AK9: variants seen among roughly 807,000 people sequenced by gnomAD.
AK9 encodes adenylate kinase 9.
AK9 carries 191 observed loss-of-function variants against 239.6 expected under a neutral mutation model. That is an observed-to-expected ratio of 0.80 (90% confidence interval 0.71 to 0.90). The LOEUF (loss-of-function observed/expected upper bound fraction) is 0.90. Ranked by LOEUF, AK9 falls within the 40% of genes least tolerant of loss-of-function variation. The pLI, the probability that AK9 is intolerant of heterozygous loss-of-function variation, is 0.00. For synonymous variants in AK9, 689 were observed against 721.0 expected, an observed-to-expected ratio of 0.96 and a Z score of 0.71; for missense variants, 1,995 against 2,214.7, an observed-to-expected ratio of 0.90 and a Z score of 1.99.
chr6:109,552,111 T>C (rs1562395883), intron 24 of AK9, among the ~76,000 whole-genome samples: 3 of 152,182 alleles, frequency 2.0e-5, no homozygotes, highest in Non-Finnish European at 4.4e-5. Flanking sequence ...ATTTTCTTTA[T>C]CCAGTCTATC....
chr6:109,616,023 G>T (rs1794146738), intron 13 of AK9, among the ~76,000 whole-genome samples: 1 of 151,978 alleles, frequency 6.6e-6, no homozygotes, highest in Non-Finnish European at 1.5e-5. Context: ...ATCACTTGAG[G>T]CCAGGAGTTA....
chr6:109,594,963 A>T (rs1241657859), intron 17 of AK9, among the ~76,000 whole-genome samples: 7 of 152,172 alleles, frequency 4.6e-5, no homozygotes, highest in Non-Finnish European at 8.8e-5. Context: ...AGACTTCATG[A>T]CTAAAACACC....
chr6:109,662,926 T>C lies in AK9; in HGVS notation c.332-263A>G, dbSNP rs1800624018. 2.0e-5 allele frequency among the ~76,000 whole-genome samples: 3 copies of C among 152,162 alleles called. No individual in the cohort carries two copies. The South Asian group carries it at 6.2e-4, about 32-fold the overall frequency. ...TCCAAGTCAATTTATTTTAGACAGA[T>C]GAGGTGCCTAGGGAAGGAAATTTCA... On this transcript the variant is annotated intron_variant, in intron 5 of 40. Transcript: ENST00000424296.
intron 1 of AK9, among the ~76,000 whole-genome samples, chr6:109,681,394 AACTAT>A: frequency 6.6e-6 from 1 of 152,352 alleles, no homozygotes; most frequent in East Asian, 1.9e-4. Flanking sequence ...AAGAAGAGCT[AACTAT>A]ACTAAATATA....
chr6:109,611,282 A>T (rs1414012540), intron 16 of AK9, among the ~76,000 whole-genome samples: 1 of 152,132 alleles, frequency 6.6e-6, no homozygotes, highest in Non-Finnish European at 1.5e-5. Context: ...CAGGGATCAA[A>T]AGACTCACAG....
chr6:109,510,483 C>T (rs936758106), intron 32 of AK9, among the ~76,000 whole-genome samples: 1 of 151,946 alleles, frequency 6.6e-6, no homozygotes, highest in Non-Finnish European at 1.5e-5. Context: ...GCAGAGATGA[C>T]CTGCCAGCAG....
intron 8 of AK9, among the ~76,000 whole-genome samples, chr6:109,645,731 T>A (rs565967068): frequency 4.9e-4 from 74 of 152,310 alleles, no homozygotes; most frequent in African/African-American, 1.8e-3. Context: ...GAGTTTGAGC[T>A]CTGAGAATGG....
At chr6:109,503,439 G>A (rs1399517071) in intron 35 of AK9, among the ~76,000 whole-genome samples, 2 of 152,058 alleles carry the variant, frequency 1.3e-5, no homozygotes, top group Non-Finnish European at 2.9e-5. Context: ...CCCTCTTCTG[G>A]AACGTGGCAG....
At chr6:109,569,992 G>A (rs908913502) in intron 21 of AK9, among the ~76,000 whole-genome samples, 3 of 152,156 alleles carry the variant, frequency 2.0e-5, no homozygotes, top group African/African-American at 7.2e-5. Flanking sequence ...TATGTTTATT[G>A]TTGCACTATT....
chr6:109,516,532 A>G lies in AK9; in HGVS notation c.3744T>C (p.Ser1248=). The G allele has an allele frequency of 6.4e-7, 1 of 1,551,554 alleles. No individual in the cohort carries two copies. Among genetic ancestry groups the G allele is most frequent in the Middle Eastern group, 1.7e-4 (1 of 5,992 alleles). Reference sequence around the variant, plus strand: ...TTTCCTGTTCTTCATCTTCCTCGCCACTCATCTCTTCCTCATCTTTTGGAA... The same window carrying G: ...TTTCCTGTTCTTCATCTTCCTCGCCGCTCATCTCTTCCTCATCTTTTGGAA... ...DEFPKDEEEM[S]GEEDEEQETD... is the part of the protein sequence containing the mutation. The change falls in exon 30 of 41, where the codon AGT becomes AGC. Residue 1248 remains serine (S), a synonymous_variant. Coordinates refer to ENST00000424296, the MANE Select transcript of AK9 (RefSeq NM_001145128.3).
chr6:109,549,801 G>A, intron 25 of AK9: 1 of 194,866 alleles, frequency 5.1e-6, no homozygotes, highest in South Asian at 9.6e-5. Context: ...AAGTAGCTGG[G>A]ACTACAGGCG....
intron 17 of AK9, among the ~76,000 whole-genome samples, chr6:109,591,861 G>GAA (rs35645404): frequency 5.1e-4 from 75 of 148,062 alleles, no homozygotes; most frequent in Middle Eastern, 3.4e-3. Context: ...TTCCTATTTA[G>GAA]AAAAAAAAAA....
intron 8 of AK9, among the ~76,000 whole-genome samples, chr6:109,648,746 T>C (rs1431238176): frequency 2.0e-5 from 3 of 152,120 alleles, no homozygotes; most frequent in Non-Finnish European, 4.4e-5. Context: ...TTTTATGAGG[T>C]CAGCATCATC....
At chr6:109,647,369 G>A (rs1469508681) in intron 8 of AK9, among the ~76,000 whole-genome samples, 1 of 152,074 alleles carries the variant, frequency 6.6e-6, no homozygotes, top group Non-Finnish European at 1.5e-5. Context: ...ACACACATAG[G>A]CTCAAAATAA....
rs1031406700 is a variant in AK9, at chr6:109,528,756, A to G, written c.3633+255T>C. The G allele has an allele frequency of 8.6e-6, 5 of 583,084 alleles. No individual in the cohort carries two copies. The African/African-American group carries it at 9.1e-5, about 11-fold the overall frequency. The allele number at this position is 583,084 out of a possible 1,614,324, so 36.1% of individuals were successfully genotyped here. A position where few individuals can be genotyped will look rare whatever the true frequency, so the allele number is the denominator to read the frequency against. On this transcript the variant is annotated intron_variant, in intron 29 of 40. Transcript: ENST00000424296. ...TTTTCTCTTCTCCTTGTTTGGCTGG[A>G]CATTTTTATACAGATGGAAATCAGG...
chr6:109,568,948 T>A (rs77442515), intron 21 of AK9, among the ~76,000 whole-genome samples: 13 of 151,778 alleles, frequency 8.6e-5, no homozygotes, highest in African/African-American at 2.9e-4. Context: ...TCATATGCAA[T>A]GAAAAAAGAG....
Position 109,533,374 on chromosome 6 carries a change from T to C in AK9, c.3447A>G (p.Ile1149Met), listed in dbSNP as rs1781530997. The C allele has an allele frequency of 6.2e-7, 1 of 1,611,258 alleles. No individual in the cohort carries two copies. Among genetic ancestry groups the C allele is most frequent in the Non-Finnish European group, 8.5e-7 (1 of 1,178,808 alleles). Residue 1149 changes from isoleucine to methionine, a missense_variant, in exon 28 of 41, where the codon ATA becomes ATG. Physicochemically the swap from Ile to Met is conservative, Grantham distance 10. Around this residue, in one of 5 missense-constraint regions of AK9, gnomAD observed 1,290 missense variants for 1,392.7 expected, o/e 0.93. Coordinates refer to ENST00000424296, the MANE Select transcript of AK9 (RefSeq NM_001145128.3). ...CAAAAATATCTTGATCATCAACTTGTATAAAAACAGCTGCATCTGGGAAAA... is the reference window on the plus strand; with the variant it reads ...CAAAAATATCTTGATCATCAACTTGCATAAAAACAGCTGCATCTGGGAAAA... The part of the protein sequence containing the change: ...RGFFPDAAVF[I>M]QVDDQDIFDR...
chr6:109,650,883 A>G lies in AK9; in HGVS notation c.759+5873T>C, dbSNP rs1798827790. Among the ~76,000 whole-genome samples the G allele has an allele frequency of 7.2e-5, 11 of 152,344 alleles. No homozygotes were observed. In the South Asian group the frequency reaches 2.3e-3, roughly 32 times the overall value. ...TAAGAAAATGTGGCACACATACACC[A>G]TGGAATACTACGCAGCCATAAAAAA... is the stretch of plus-strand genomic sequence containing the variant. On this transcript the variant is annotated intron_variant, in intron 8 of 40. Transcript: ENST00000424296.
intron 17 of AK9, among the ~76,000 whole-genome samples, chr6:109,592,688 C>T (rs4945834): frequency 0.21 from 31,526 of 151,852 alleles, 3,456 homozygotes; most frequent in South Asian, 0.34. Flanking sequence ...CCTCATGATC[C>T]GCCCGCCTCG....
Sources: allele counts gnomAD v4.1 joint callset (sites outside exome capture counted in the v4.1 genomes callset), GRCh38; gene constraint gnomAD v4.1.1; regional missense constraint gnomAD v4.1.1; transcripts MANE v1.5; gene names NCBI Gene and HGNC (gene_info 2026-07-23, HGNC 2026-07-21).